Variants in SCEL observed in about 807,000 individuals in gnomAD.
The protein encoded by SCEL is sciellin.
SCEL carries 113 observed loss-of-function variants against 117.6 expected under a neutral mutation model. That is an observed-to-expected ratio of 0.96 (90% CI 0.83 to 1.12). The LOEUF (loss-of-function observed/expected upper bound fraction) is 1.12, where lower values mean the gene tolerates loss of function less well. Ranked by LOEUF, SCEL falls within the 50% of genes most tolerant of loss-of-function variation. SCEL has a pLI of 0.00. For missense variants in SCEL, 785 were observed against 810.8 expected, an observed-to-expected ratio of 0.97 and a Z score of 0.39; for synonymous variants, 270 against 256.2, an observed-to-expected ratio of 1.05 and a Z score of -0.51.
At chr13:77,549,726 A>G (rs1319419779) in intron 1 of SCEL, among the ~76,000 whole-genome samples, 1 of 152,160 alleles carries the variant, frequency 6.6e-6, no homozygotes. Context: ...TATAAGTTTA[A>G]CAGCTGCTTG....
chr13:77,630,108 G>C (rs867703115), intron 28 of SCEL, among the ~76,000 whole-genome samples: 9 of 152,130 alleles, frequency 5.9e-5, no homozygotes, highest in African/African-American at 2.2e-4. Context: ...TTGGGGAAGA[G>C]GGATTCTAGT....
intron 9 of SCEL, among the ~76,000 whole-genome samples, chr13:77,573,452 G>A (rs893966030): frequency 4.6e-5 from 7 of 152,112 alleles, no homozygotes; most frequent in African/African-American, 1.7e-4. Flanking sequence ...TATTAGATTG[G>A]TTTATTTTAT....
intron 4 of SCEL, among the ~76,000 whole-genome samples, chr13:77,561,874 C>T (rs1351195777): frequency 6.6e-6 from 1 of 152,088 alleles, no homozygotes; most frequent in African/African-American, 2.4e-5. Context: ...GGCTGGTGGG[C>T]ATGGAGCAAG....
At chr13:77,616,866 C>G (rs1383091410) in intron 24 of SCEL, among the ~76,000 whole-genome samples, 1 of 151,130 alleles carries the variant, frequency 6.6e-6, no homozygotes, top group African/African-American at 2.4e-5. Flanking sequence ...TTTGTCAGTT[C>G]TGCAGTCTCT....
At chr13:77,572,730 A>G (rs909594100) in intron 9 of SCEL, among the ~76,000 whole-genome samples, 1 of 152,184 alleles carries the variant, frequency 6.6e-6, no homozygotes, top group African/African-American at 2.4e-5. Context: ...TTATAAAGCA[A>G]CTAATCATGT....
intron 16 of SCEL, 137 bp from the exon 17 acceptor site, chr13:77,602,517 T>C (rs1351009940): frequency 1.4e-6 from 1 of 697,910 alleles, no homozygotes; most frequent in Non-Finnish European, 2.5e-6. Flanking sequence ...AAGTTAAGGA[T>C]AATTACATCA....
intron 7 of SCEL, 124 bp downstream of exon 7, chr13:77,568,457 A>G: frequency 1.7e-6 from 1 of 589,334 alleles, no homozygotes; most frequent in Non-Finnish European, 2.9e-6. Context: ...AGAGTTGAGT[A>G]GTAGAAGACA....
intron 1 of SCEL, among the ~76,000 whole-genome samples, chr13:77,552,645 C>G (rs1404930313): frequency 3.3e-5 from 5 of 151,874 alleles, no homozygotes; most frequent in South Asian, 4.2e-4. Context: ...TCTGTAGGTT[C>G]CCTGTTCACT....
chr13:77,597,571 T>G lies in SCEL; in HGVS notation c.779T>G (p.Met260Arg). ...KGEELDNLIK[M>R]NKSLNRNQGL... ...GAAGAATTGGATAATCTCATCAAAA[T>G]GAACAAAAGCTTGAATAGGTAAGAT... is the stretch of plus-strand genomic sequence containing the variant. The change falls in exon 13 of 33, where the codon ATG becomes AGG. Residue 260 changes from methionine (M) to arginine (R), a missense_variant. Transcript: ENST00000349847. The G allele has an allele frequency of 6.7e-7, 1 of 1,487,060 alleles. No homozygotes were observed. The highest frequency in any genetic ancestry group is 9.1e-7 in the Non-Finnish European group (1 of 1,093,884). 92.1% of individuals were successfully genotyped at this position (1,487,060 alleles called of 1,614,324 possible).
intron 1 of SCEL, among the ~76,000 whole-genome samples, chr13:77,552,706 C>A (rs1003668063): frequency 1.3e-5 from 2 of 152,094 alleles, no homozygotes; most frequent in East Asian, 1.9e-4. Context: ...TAATTAGATC[C>A]CATTTGTCAA....
In SCEL at chr13:77,617,983, T is replaced by C. The variant is rs1463622549; in HGVS notation, c.1572-21T>C. 5.6e-6 allele frequency: 9 copies of C among 1,611,262 alleles called. No individual in the cohort carries two copies. The East Asian group carries it at 1.1e-4, about 20-fold the overall frequency. On this transcript the variant is annotated intron_variant, in intron 26 of 32. Coordinates refer to ENST00000349847, the MANE Select transcript of SCEL (RefSeq NM_144777.3). ...AAATCTATTACCAATCTGAACTTTT[T>C]TCTCTCTCTCTTTTAAACAGCCAAG...
Position 77,573,428 on chromosome 13 carries a change from C to T in SCEL, c.545+1239C>T, listed in dbSNP as rs573730023. 1.2e-4 allele frequency among the ~76,000 whole-genome samples: 18 copies of T among 152,282 alleles called. No individual in the cohort carries two copies. In the South Asian group the frequency reaches 3.5e-3, roughly 30 times the overall value. On this transcript the variant is annotated intron_variant, in intron 9 of 32. Transcript: ENST00000349847. The stretch of plus-strand genomic sequence containing the variant: ...TTGGAAAAGAAAATATTTTTAAACT[C>T]TGTGCTTATTTCATATTAGATTGGT...
chr13:77,614,616 G>A (rs1291534566), intron 24 of SCEL, among the ~76,000 whole-genome samples: 4 of 152,004 alleles, frequency 2.6e-5, no homozygotes, highest in Non-Finnish European at 4.4e-5. Flanking sequence ...TTGTTGGTAC[G>A]TATACAAATT....
At chr13:77,550,391 TATATATATATATATATATATA>T (rs1857492870) in intron 1 of SCEL, among the ~76,000 whole-genome samples, 2 of 97,072 alleles carry the variant, frequency 2.1e-5, no homozygotes, top group African/African-American at 7.1e-5. Flanking sequence ...GTCTAAAATA[TATATATATATATATATATATA>T]TTATATATAT....
intron 23 of SCEL, among the ~76,000 whole-genome samples, chr13:77,613,445 A>G (rs780354616): frequency 4.6e-5 from 7 of 152,246 alleles, no homozygotes; most frequent in Non-Finnish European, 1.0e-4. Context: ...TAATAAAAGC[A>G]TGGCAGAGAA....
intron 17 of SCEL, 71 bp from the exon 18 acceptor site, chr13:77,603,005 G>C (rs2087829654): frequency 1.9e-5 from 16 of 836,152 alleles, no homozygotes; most frequent in Admixed American, 5.3e-5. Flanking sequence ...TAATCATTGG[G>C]AATACAGAAG....
chr13:77,597,312 A>C (rs1213471412), intron 12 of SCEL, among the ~76,000 whole-genome samples: 1 of 151,954 alleles, frequency 6.6e-6, no homozygotes, highest in East Asian at 1.9e-4. Flanking sequence ...TGCAGAAAAA[A>C]CAAATGCTGC....
chr13:77,549,700 C>T (rs2084194189), intron 1 of SCEL, among the ~76,000 whole-genome samples: 1 of 152,260 alleles, frequency 6.6e-6, no homozygotes, highest in South Asian at 2.1e-4. Context: ...AAGCCTAGGC[C>T]TGCTTGTCTT....
At chr13:77,604,857 G>A (rs1293956071) in intron 19 of SCEL, among the ~76,000 whole-genome samples, 1 of 152,086 alleles carries the variant, frequency 6.6e-6, no homozygotes, top group African/African-American at 2.4e-5. Context: ...TTAAGTGCAT[G>A]TGTGTATAAA....
Sources: allele counts gnomAD v4.1 joint callset (sites outside exome capture counted in the v4.1 genomes callset), GRCh38; gene constraint gnomAD v4.1.1; transcripts MANE v1.5; gene names NCBI Gene and HGNC (gene_info 2026-07-23, HGNC 2026-07-21).